MNAT1: variants seen among roughly 807,000 people sequenced by gnomAD.
MNAT1 encodes the protein MNAT1 component of CDK activating kinase.
MNAT1 carries 43 observed loss-of-function variants against 42.0 expected under a neutral mutation model. The observed-to-expected ratio is 1.02, with a 90% CI of 0.80 to 1.32. MNAT1 has a LOEUF of 1.32. MNAT1 is among the 40% of genes most tolerant of loss of function. The pLI, the probability that MNAT1 is intolerant of heterozygous loss-of-function variation, is 0.00. For synonymous variants in MNAT1, 118 were observed against 120.0 expected (o/e 0.98, Z 0.11); for missense variants, 306 against 350.4 (o/e 0.87, Z 1.01).
At chr14:60,853,268 T>TTG (rs1172723531) in intron 6 of MNAT1, among the ~76,000 whole-genome samples, 10 of 152,056 alleles carry the variant, frequency 6.6e-5, no homozygotes, top group Non-Finnish European at 1.2e-4. Context: ...CACGTCCCCC[T>TTG]TAAGTTATAT....
chr14:60,796,873 A>G (rs997901814), intron 2 of MNAT1, among the ~76,000 whole-genome samples: 13 of 152,268 alleles, frequency 8.5e-5, no homozygotes, highest in African/African-American at 3.1e-4. Context: ...CAGAGGAGGT[A>G]ACATTAAGTT....
chr14:60,790,276 C>T (rs930590684), intron 1 of MNAT1, among the ~76,000 whole-genome samples: 2 of 152,126 alleles, frequency 1.3e-5, no homozygotes, highest in African/African-American at 4.8e-5. Flanking sequence ...AGGGAAAAGT[C>T]AAGCTGGGAA....
intron 6 of MNAT1, among the ~76,000 whole-genome samples, chr14:60,829,362 T>C (rs2033153079): frequency 6.6e-6 from 1 of 152,216 alleles, no homozygotes; most frequent in African/African-American, 2.4e-5. Context: ...TATTCCTATA[T>C]TTCTAGGTAA....
At chr14:60,767,766 AT>A (rs61077085) in intron 1 of MNAT1, among the ~76,000 whole-genome samples, 99,828 of 150,920 alleles carry the variant, frequency 0.66, 33,327 homozygotes, top group Admixed American at 0.72. Context: ...ACACTTGGCT[AT>A]TTTTTTTGTT....
At chr14:60,963,153 T>G (rs2036626685) in intron 7 of MNAT1, among the ~76,000 whole-genome samples, 1 of 152,120 alleles carries the variant, frequency 6.6e-6, no homozygotes. Flanking sequence ...GGCTAATTTT[T>G]GTATTTTTAG....
chr14:60,907,268 A>C (rs1233841612), intron 7 of MNAT1, among the ~76,000 whole-genome samples: 2 of 151,968 alleles, frequency 1.3e-5, no homozygotes, highest in African/African-American at 2.4e-5. Context: ...CCTCGTTTCT[A>C]CTAAAAATAC....
At chr14:60,913,828 G>A (rs2035446955) in intron 7 of MNAT1, among the ~76,000 whole-genome samples, 1 of 152,188 alleles carries the variant, frequency 6.6e-6, no homozygotes, top group Admixed American at 6.5e-5. Context: ...GCTGCGTGCT[G>A]GAAGAACCAC....
intron 6 of MNAT1, among the ~76,000 whole-genome samples, chr14:60,873,478 G>A (rs965601885): frequency 6.6e-6 from 1 of 151,814 alleles, no homozygotes; most frequent in Non-Finnish European, 1.5e-5. Context: ...ATTTTATTAT[G>A]TTTTATTTGA....
In MNAT1 at chr14:60,777,718, T is replaced by C. The variant is rs113332736; in HGVS notation, c.90-18499T>C. Reference sequence around the variant, plus strand: ...GTTATCTCTACACTGATACCTTTCATGTTTACATCTTTGTTTACCATAGAG... The same window carrying C: ...GTTATCTCTACACTGATACCTTTCACGTTTACATCTTTGTTTACCATAGAG... On this transcript the variant is annotated intron_variant, in intron 1 of 7. Coordinates refer to ENST00000261245, the MANE Select transcript of MNAT1 (RefSeq NM_002431.4). 1.0e-3 allele frequency among the ~76,000 whole-genome samples: 157 copies of C among 152,260 alleles called. 1 individual carries two copies. Among genetic ancestry groups the C allele is most frequent in the African/African-American group, 2.1e-3 (87 of 41,538 alleles).
intron 1 of MNAT1, among the ~76,000 whole-genome samples, chr14:60,741,549 C>T (rs1896460185): frequency 6.6e-6 from 1 of 150,876 alleles, no homozygotes; most frequent in Non-Finnish European, 1.5e-5. Flanking sequence ...TTAATAGAGA[C>T]AGGGTTTCAC....
rs1896262569 is a variant in MNAT1 at position 60,734,978 on chromosome 14, G to T, written c.89+27G>T. The T allele has an allele frequency of 1.9e-6, 3 of 1,609,264 alleles. No individual in the cohort carries two copies. The highest frequency in any genetic ancestry group is 2.6e-6 in the Non-Finnish European group (3 of 1,175,542). On this transcript the variant is annotated intron_variant, in intron 1 of 7. Transcript: ENST00000261245. This position sits in a 1 kb window ranked among gnomAD's most constrained non-coding sequence, Gnocchi z 4.3. ...TGAGTTGGGCGGCAGTGGATTCCCT[G>T]GGGGAGAGACGCGCTGGGTGGGAGG...
At chr14:60,914,684 T>TA (rs2035473325) in intron 7 of MNAT1, among the ~76,000 whole-genome samples, 1 of 152,212 alleles carries the variant, frequency 6.6e-6, no homozygotes, top group African/African-American at 2.4e-5. Flanking sequence ...AATTTAGTCA[T>TA]AAAAAATTCT....
intron 4 of MNAT1, among the ~76,000 whole-genome samples, chr14:60,811,306 T>C (rs912168537): frequency 5.8e-4 from 84 of 144,240 alleles, no homozygotes; most frequent in Middle Eastern, 3.6e-3. Flanking sequence ...TTCTTTTTTT[T>C]TTTTTTTTTT....
chr14:60,735,011 C>A, intron 1 of MNAT1, 60 bp downstream of exon 1: 1 of 1,507,308 alleles, frequency 6.6e-7, no homozygotes, highest in Non-Finnish European at 9.2e-7. Flanking sequence ...AGGAGAGGAC[C>A]GGGAGATGCT....
chr14:60,734,805 T>A lies in MNAT1; in HGVS notation c.-58T>A. The A allele has an allele frequency of 6.5e-7, 1 of 1,542,886 alleles. No homozygotes were observed. Among genetic ancestry groups the A allele is most frequent in the Non-Finnish European group, 9.0e-7 (1 of 1,116,238 alleles). On this transcript the variant is annotated 5_prime_UTR_variant, in exon 1 of 8. In the 5' UTR this introduces an upstream ATG that the reference lacks. Transcript: ENST00000261245. This position sits in a 1 kb window ranked among gnomAD's most constrained non-coding sequence, Gnocchi z 4.3. ...CCTGCTTGGTCGCGTCTGAGGGGGCTTGTAGGTGGCTCTGGCTGAAACAGG... is the reference window on the plus strand; with the variant it reads ...CCTGCTTGGTCGCGTCTGAGGGGGCATGTAGGTGGCTCTGGCTGAAACAGG...
chr14:60,930,590 GAA>G lies in MNAT1; in HGVS notation c.810-37638_810-37637del, dbSNP rs543557805. Among the ~76,000 whole-genome samples the G allele has an allele frequency of 1.1e-3, 168 of 152,270 alleles. 1 individual carries two copies. The highest frequency in any genetic ancestry group is 1.4e-3 in the Non-Finnish European group (95 of 68,016). ...AGATTGTCATATAAACAAGACATAA[GAA>G]GAGAGGGTCAAGGAACATTTCATAG... On this transcript the variant is annotated intron_variant, in intron 7 of 7. Transcript: ENST00000261245.
intron 6 of MNAT1, among the ~76,000 whole-genome samples, chr14:60,860,588 C>T (rs1312887591): frequency 6.6e-6 from 1 of 151,932 alleles, no homozygotes; most frequent in East Asian, 1.9e-4. Context: ...CTCCTGACCT[C>T]GTGATCCGCC....
intron 1 of MNAT1, among the ~76,000 whole-genome samples, chr14:60,753,390 A>G (rs1315350146): frequency 3.3e-5 from 5 of 152,222 alleles, no homozygotes; most frequent in Admixed American, 3.3e-4. Context: ...AACCCCATGT[A>G]TATGGAGGGC....
At chr14:60,787,643 A>T (rs995645143) in intron 1 of MNAT1, among the ~76,000 whole-genome samples, 1 of 152,140 alleles carries the variant, frequency 6.6e-6, no homozygotes, top group African/African-American at 2.4e-5. Context: ...CAATTCTCAA[A>T]CCTTGCCACA....
Sources: allele counts gnomAD v4.1 joint callset (sites outside exome capture counted in the v4.1 genomes callset), GRCh38; gene constraint gnomAD v4.1.1; non-coding constraint Gnocchi (gnomAD v3.1); transcripts MANE v1.5; gene names NCBI Gene and HGNC (gene_info 2026-07-23, HGNC 2026-07-21).